NKAIN2: variants seen among roughly 807,000 people sequenced by gnomAD.
NKAIN2 encodes the protein sodium/potassium transporting ATPase interacting 2, also known as sodium/potassium-transporting ATPase subunit beta-1-interacting protein 2.
Under a neutral mutation model 32.6 loss-of-function variants are expected in NKAIN2, and 14 were observed. The ratio of observed to expected loss-of-function variants is 0.43; its 90% CI spans 0.28 to 0.67. NKAIN2 has a LOEUF of 0.67. Among genes scored for constraint, NKAIN2 ranks in the 30% least tolerant of loss-of-function variants. The pLI is 0.17. For synonymous variants in NKAIN2, 80 were observed against 87.2 expected (o/e 0.92, Z 0.46); for missense variants, 198 against 258.3 (o/e 0.77, Z 1.60).
chr6:124,587,618 G>A (rs1781757093), intron 3 of NKAIN2, among the ~76,000 whole-genome samples: 1 of 152,136 alleles, frequency 6.6e-6, no homozygotes, highest in Non-Finnish European at 1.5e-5. Context: ...ACAAGAGCTG[G>A]CCCCAGGCCC....
At chr6:124,010,633 T>G (rs1441415907) in intron 1 of NKAIN2, among the ~76,000 whole-genome samples, 1 of 151,682 alleles carries the variant, frequency 6.6e-6, no homozygotes, top group Non-Finnish European at 1.5e-5. Context: ...ACTGCCATTC[T>G]CTCACCTGTA....
At chr6:124,575,444 C>T (rs1173587095) in intron 3 of NKAIN2, among the ~76,000 whole-genome samples, 1 of 152,224 alleles carries the variant, frequency 6.6e-6, no homozygotes, top group Non-Finnish European at 1.5e-5. Context: ...GCCTAGTTCT[C>T]AAGTCACTCC....
At chr6:123,949,612 G>C (rs1381586190) in intron 1 of NKAIN2, among the ~76,000 whole-genome samples, 1 of 151,856 alleles carries the variant, frequency 6.6e-6, no homozygotes, top group Admixed American at 6.6e-5. Flanking sequence ...GTTCATTATT[G>C]ATGTATAAAA....
intron 3 of NKAIN2, among the ~76,000 whole-genome samples, chr6:124,492,984 A>C (rs1402149768): frequency 6.6e-6 from 1 of 152,112 alleles, no homozygotes; most frequent in Middle Eastern, 3.4e-3. Context: ...CAGGCAATAC[A>C]CTAGCCACTG....
At chr6:123,806,548 G>A (rs1582560079) in intron 1 of NKAIN2, among the ~76,000 whole-genome samples, 1 of 151,970 alleles carries the variant, frequency 6.6e-6, no homozygotes, top group Non-Finnish European at 1.5e-5. Context: ...AAAATAGGTG[G>A]GTGTGTATGT....
At chr6:124,124,417 A>G (rs1786053587) in intron 1 of NKAIN2, among the ~76,000 whole-genome samples, 1 of 152,160 alleles carries the variant, frequency 6.6e-6, no homozygotes, top group African/African-American at 2.4e-5. Context: ...CATATAAAGT[A>G]TCTAGAATTT....
rs895024080 is a variant in NKAIN2 at position 124,408,409 on chromosome 6, A to C, written c.273+53062A>C. ...GGAAGGGATCCAGTTTCAGCTTTCT[A>C]CACATGACTAGCCAGTTTTCCCAGC... On this transcript the variant is annotated intron_variant, in intron 3 of 6. Transcript: ENST00000368417. 9.5e-4 allele frequency among the ~76,000 whole-genome samples: 144 copies of C among 152,278 alleles called. 1 individual carries two copies. Among genetic ancestry groups the C allele is most frequent in the Middle Eastern group, 3.4e-3 (1 of 294 alleles).
intron 1 of NKAIN2, among the ~76,000 whole-genome samples, chr6:123,854,191 A>C (rs191723290): frequency 1.3e-5 from 2 of 152,366 alleles, no homozygotes; most frequent in Admixed American, 1.3e-4. Flanking sequence ...TCAAAACAAA[A>C]TTTGAAATAT....
chr6:124,100,239 T>C (rs1245746387), intron 1 of NKAIN2, among the ~76,000 whole-genome samples: 3 of 152,166 alleles, frequency 2.0e-5, no homozygotes, highest in Non-Finnish European at 4.4e-5. Flanking sequence ...GGGGAGTGTA[T>C]GCAAGACGAG....
rs146878874 is a variant in NKAIN2, at chr6:123,880,051, T to A, written c.54+75797T>A. Reference sequence around the variant, plus strand: ...AGTAGGAAACAAGTTCAAAGGTTTTTACTTACAGATCCTGGGCGAGAAGGG... The same window carrying A: ...AGTAGGAAACAAGTTCAAAGGTTTTAACTTACAGATCCTGGGCGAGAAGGG... On this transcript the variant is annotated intron_variant, in intron 1 of 6. Coordinates refer to ENST00000368417, the MANE Select transcript of NKAIN2 (RefSeq NM_001040214.3). 1.1e-3 allele frequency among the ~76,000 whole-genome samples: 160 copies of A among 152,292 alleles called. No individual in the cohort carries two copies. The East Asian group carries it at 0.028, about 26-fold the overall frequency.
At chr6:124,737,227 C>T (rs911911786) in intron 4 of NKAIN2, among the ~76,000 whole-genome samples, 21 of 151,940 alleles carry the variant, frequency 1.4e-4, no homozygotes, top group African/African-American at 3.4e-4. Flanking sequence ...GGGAAGGATG[C>T]GGCGGGAGCT....
intron 1 of NKAIN2, among the ~76,000 whole-genome samples, chr6:124,004,577 A>G (rs866821123): frequency 8.6e-5 from 13 of 151,880 alleles, no homozygotes; most frequent in African/African-American, 3.1e-4. Flanking sequence ...TTCCAGTTTC[A>G]TCCAACCATC....
chr6:124,492,464 T>C (rs556000291), intron 3 of NKAIN2, among the ~76,000 whole-genome samples: 1 of 151,998 alleles, frequency 6.6e-6, no homozygotes, highest in Admixed American at 6.6e-5. Flanking sequence ...TTGAATAAAA[T>C]GGAGTGAATT....
chr6:124,573,956 T>C (rs930473033), intron 3 of NKAIN2, among the ~76,000 whole-genome samples: 1 of 152,202 alleles, frequency 6.6e-6, no homozygotes, highest in Non-Finnish European at 1.5e-5. Context: ...TCCACTCATG[T>C]GCACTTAAAG....
At chr6:124,190,674 G>A (rs1789970748) in intron 1 of NKAIN2, among the ~76,000 whole-genome samples, 1 of 152,136 alleles carries the variant, frequency 6.6e-6, no homozygotes, top group African/African-American at 2.4e-5. Flanking sequence ...GGTAGTAAGT[G>A]ATTCAGTGTA....
At chr6:124,708,264 G>C (rs937125679) in intron 4 of NKAIN2, among the ~76,000 whole-genome samples, 1 of 150,448 alleles carries the variant, frequency 6.6e-6, no homozygotes, top group Admixed American at 6.6e-5. Flanking sequence ...ATAGTTTGAA[G>C]TCAGGTAGTG....
chr6:124,551,227 G>T (rs1002451346), intron 3 of NKAIN2, among the ~76,000 whole-genome samples: 1 of 152,194 alleles, frequency 6.6e-6, no homozygotes, highest in African/African-American at 2.4e-5. Flanking sequence ...CAGGGGAAAT[G>T]GTGTTAGCAT....
At chr6:124,361,546 T>C (rs574586351) in intron 3 of NKAIN2, among the ~76,000 whole-genome samples, 2 of 152,174 alleles carry the variant, frequency 1.3e-5, no homozygotes, top group African/African-American at 4.8e-5. Flanking sequence ...GATTTCACTA[T>C]AGTAACAGAA....
At position 124,725,671 on chromosome 6, in the gene NKAIN2, T is replaced by C. The variant is rs751555777; in HGVS notation, c.475-65668T>C. 7.9e-4 allele frequency among the ~76,000 whole-genome samples: 121 copies of C among 152,256 alleles called. 1 individual carries two copies. The highest frequency in any genetic ancestry group is 1.4e-3 in the Non-Finnish European group (95 of 68,026). On this transcript the variant is annotated intron_variant, in intron 4 of 6. Coordinates refer to ENST00000368417, the MANE Select transcript of NKAIN2 (RefSeq NM_001040214.3). ...AGTTGTTTAAACTCCAGAACGATAT[T>C]CCACATAAAAATGAATGTGGAAGCA...
Sources: gnomAD v4.1 joint callset for allele counts (sites outside exome capture counted in the v4.1 genomes callset) on GRCh38, gnomAD v4.1.1 for gene constraint, MANE v1.5 for transcripts, NCBI Gene and HGNC (gene_info 2026-07-23, HGNC 2026-07-21) for gene names.